CHRM2: variants seen among roughly 807,000 people sequenced by gnomAD.
CHRM2 encodes muscarinic acetylcholine receptor M2.
Under a neutral mutation model 25.0 loss-of-function variants are expected in CHRM2, and 8 were observed. The ratio of observed to expected loss-of-function variants is 0.32; its 90% CI spans 0.19 to 0.58. CHRM2 has a LOEUF of 0.58. CHRM2 is among the 20% of genes least tolerant of loss of function. The probability of loss-of-function intolerance (pLI) is 0.88; values close to 1 mark genes in which losing one functional copy is unlikely to be tolerated. For synonymous variants in CHRM2, 202 were observed against 205.7 expected (o/e 0.98, Z 0.15); for missense variants, 440 against 567.1 (o/e 0.78, Z 2.28).
intron 2 of CHRM2, among the ~76,000 whole-genome samples, chr7:136,949,442 C>A (rs1203719638): frequency 2.3e-5 from 3 of 133,166 alleles, no homozygotes; most frequent in African/African-American, 6.4e-5. Flanking sequence ...CATAACAAGA[C>A]CCTGTCTCTG....
chr7:136,886,902 AG>A (rs1796490028), intron 2 of CHRM2, among the ~76,000 whole-genome samples: 1 of 152,186 alleles, frequency 6.6e-6, no homozygotes, highest in Non-Finnish European at 1.5e-5. Flanking sequence ...ATAATTCTAT[AG>A]CCCATCATGC....
chr7:136,944,147 A>T (rs2130827777), intron 2 of CHRM2, among the ~76,000 whole-genome samples: 1 of 152,082 alleles, frequency 6.6e-6, no homozygotes, highest in East Asian at 1.9e-4. Context: ...TTACATGAAT[A>T]ATTTCTTTAG....
intron 2 of CHRM2, chr7:136,870,323 G>C (rs1795771206): frequency 6.6e-6 from 1 of 152,424 alleles, no homozygotes; most frequent in South Asian, 2.1e-4. Flanking sequence ...TCTCGGACAC[G>C]GACAGGTGCG....
intron 3 of CHRM2, among the ~76,000 whole-genome samples, chr7:137,011,215 G>GTGTGTATATATATATA: frequency 4.5e-5 from 6 of 134,328 alleles, no homozygotes; most frequent in East Asian, 2.0e-4. Flanking sequence ...GTGTGTGTGT[G>GTGTGTATATATATATA]TATATATATA....
At chr7:136,970,648 C>T (rs1479326039) in intron 2 of CHRM2, among the ~76,000 whole-genome samples, 1 of 152,044 alleles carries the variant, frequency 6.6e-6, no homozygotes, top group Non-Finnish European at 1.5e-5. Flanking sequence ...CATGCAACAA[C>T]ATTTAATGAG....
intron 2 of CHRM2, among the ~76,000 whole-genome samples, chr7:136,874,824 A>G (rs1183335872): frequency 3.3e-5 from 5 of 151,846 alleles, no homozygotes; most frequent in African/African-American, 1.2e-4. Context: ...CTATGTATAC[A>G]GTTATGGCAA....
intron 3 of CHRM2, among the ~76,000 whole-genome samples, chr7:136,997,448 C>T (rs1442743195): frequency 6.6e-6 from 1 of 152,138 alleles, no homozygotes; most frequent in African/African-American, 2.4e-5. Flanking sequence ...CTTCGGTTTA[C>T]TTCTCTAAAT....
intron 3 of CHRM2, among the ~76,000 whole-genome samples, chr7:137,001,663 G>A (rs1804043835): frequency 6.6e-6 from 1 of 152,074 alleles, no homozygotes; most frequent in Admixed American, 6.6e-5. Flanking sequence ...GCAGGTTGTG[G>A]GGGGCTATCT....
At chr7:136,914,172 A>G (rs974162495) in intron 2 of CHRM2, 4 of 151,910 alleles carry the variant, frequency 2.6e-5, no homozygotes, top group African/African-American at 7.2e-5. Flanking sequence ...TTCAATTGTT[A>G]GTCTCCTTTC....
At chr7:136,898,131 G>A (rs1221096536) in intron 2 of CHRM2, among the ~76,000 whole-genome samples, 1 of 152,054 alleles carries the variant, frequency 6.6e-6, no homozygotes, top group Non-Finnish European at 1.5e-5. Context: ...GAAAAACAGA[G>A]GGTTCGTTTA....
intron 2 of CHRM2, among the ~76,000 whole-genome samples, chr7:136,910,299 C>T (rs985812301): frequency 4.0e-5 from 6 of 151,828 alleles, no homozygotes; most frequent in African/African-American, 1.5e-4. Flanking sequence ...ACATACAGTA[C>T]ACATATTAAT....
chr7:136,953,466 G>A (rs925369215), intron 2 of CHRM2, among the ~76,000 whole-genome samples: 1 of 151,998 alleles, frequency 6.6e-6, no homozygotes. Flanking sequence ...AGTCATATGA[G>A]TACTTTAATT....
rs1554434085 is a variant in CHRM2 at position 137,000,567 on chromosome 7, G to GGAAGGAAGGAAGGAAGGAAGGAAA, written c.-47+8326_-47+8327insAGAAGGAAGGAAGGAAGGAAGGAA. ...AAGAAAGAAGGAAGGAAGGAAGGAA[G>GGAAGGAAGGAAGGAAGGAAGGAAA]GAAGGAAGGAAGGAAGGAAGGAAGG... On this transcript the variant is annotated intron_variant, in intron 3 of 3. Coordinates refer to ENST00000680005, the MANE Select transcript of CHRM2 (RefSeq NM_001006630.2). Among the ~76,000 whole-genome samples, 73 of 125,516 alleles carry GGAAGGAAGGAAGGAAGGAAGGAAA rather than the reference G, an allele frequency of 5.8e-4. 2 individuals are homozygous for GGAAGGAAGGAAGGAAGGAAGGAAA. Among genetic ancestry groups the GGAAGGAAGGAAGGAAGGAAGGAAA allele is most frequent in the Non-Finnish European group, 9.7e-4 (53 of 54,458 alleles). 82.3% of individuals were successfully genotyped at this position (125,516 alleles called of 152,430 possible).
At chr7:136,947,680 A>G (rs1243529952) in intron 2 of CHRM2, among the ~76,000 whole-genome samples, 1 of 152,146 alleles carries the variant, frequency 6.6e-6, no homozygotes, top group Admixed American at 6.6e-5. Flanking sequence ...TCCTAATTTT[A>G]TTATTATTAA....
chr7:137,006,090 C>T (rs1341209339), intron 3 of CHRM2, among the ~76,000 whole-genome samples: 1 of 152,094 alleles, frequency 6.6e-6, no homozygotes, highest in Non-Finnish European at 1.5e-5. Flanking sequence ...ATTGTTTAGT[C>T]AGCACCATTT....
At chr7:136,978,441 GATTT>G (rs1476334535) in intron 2 of CHRM2, among the ~76,000 whole-genome samples, 1 of 152,036 alleles carries the variant, frequency 6.6e-6, no homozygotes, top group Non-Finnish European at 1.5e-5. Flanking sequence ...TTAAACAGGA[GATTT>G]ATTAGCGCAT....
chr7:136,876,987 G>T (rs141016362), intron 2 of CHRM2, among the ~76,000 whole-genome samples: 1 of 152,174 alleles, frequency 6.6e-6, no homozygotes, highest in Non-Finnish European at 1.5e-5. Context: ...GAGTCAGGCT[G>T]GGAATTAGGG....
At chr7:136,985,463 T>C (rs1802785590) in intron 2 of CHRM2, among the ~76,000 whole-genome samples, 1 of 124,162 alleles carries the variant, frequency 8.1e-6, no homozygotes, top group Non-Finnish European at 1.6e-5. Flanking sequence ...TGAGCTGAGA[T>C]CATGCCACTG....
chr7:136,919,843 T>G (rs776796191), intron 2 of CHRM2, among the ~76,000 whole-genome samples: 10 of 152,274 alleles, frequency 6.6e-5, no homozygotes, highest in Non-Finnish European at 1.3e-4. Context: ...TTTTGGCCCT[T>G]TCAGCTCTAT....
Sources: gnomAD v4.1 joint callset for allele counts (sites outside exome capture counted in the v4.1 genomes callset) on GRCh38, gnomAD v4.1.1 for gene constraint, MANE v1.5 for transcripts, NCBI Gene and HGNC (gene_info 2026-07-23, HGNC 2026-07-21) for gene names.